Variants in CASK observed in about 807,000 individuals in gnomAD.
The protein encoded by CASK is calcium/calmodulin dependent serine protein kinase.
In CASK, 4 loss-of-function variants were observed where a neutral mutation model predicts 82.9. The ratio of observed to expected loss-of-function variants is 0.05; its 90% confidence interval spans 0.02 to 0.11. The LOEUF (loss-of-function observed/expected upper bound fraction) is 0.11. Ranked by LOEUF, CASK falls within the 10% of genes least tolerant of loss-of-function variation. CASK has a pLI of 1.00. For synonymous variants in CASK, 259 were observed against 253.5 expected, an observed-to-expected ratio of 1.02 and a Z score of -0.20; for missense variants, 358 against 720.9, an observed-to-expected ratio of 0.50 and a Z score of 5.76.
chrX:41,667,198 T>C (rs752697840), intron 6 of CASK, among the ~76,000 whole-genome samples: 41 of 111,942 alleles, frequency 3.7e-4, no homozygotes, highest in Admixed American at 3.2e-3. Context: ...TTCGGGAAGA[T>C]GCCTGTTGTT....
intron 12 of CASK, among the ~76,000 whole-genome samples, chrX:41,600,392 C>T (rs1385714777): frequency 8.9e-6 from 1 of 112,573 alleles, no homozygotes; most frequent in Non-Finnish European, 1.9e-5. Context: ...CATTCTTTAA[C>T]TGAGCATATC....
intron 13 of CASK, among the ~76,000 whole-genome samples, chrX:41,588,887 C>A (rs186411860): frequency 4.5e-5 from 5 of 110,735 alleles, no homozygotes; most frequent in Non-Finnish European, 9.4e-5. Flanking sequence ...TATTATATAA[C>A]GGTAGGTTAA....
chrX:41,531,213 C>T lies in CASK; in HGVS notation c.2318-4G>A. 8.3e-7 allele frequency: 1 copy of T among 1,198,965 alleles called. No homozygotes were observed. The highest frequency in any genetic ancestry group is 1.1e-6 in the Non-Finnish European group (1 of 883,661). On this transcript the variant is annotated splice_region_variant and splice_polypyrimidine_tract_variant and intron_variant, in intron 24 of 26. Transcript: ENST00000378163. ...TTCTTTGGAGGTCTGGTTGTATCTG[C>T]AAAGTCGCATGGCACAAGAGGTTTA...
intron 2 of CASK, among the ~76,000 whole-genome samples, chrX:41,789,665 G>A (rs2069678450): frequency 9.0e-6 from 1 of 111,279 alleles, no homozygotes; most frequent in East Asian, 2.8e-4. Flanking sequence ...CTAATTCTAG[G>A]AAAAGCTTAA....
rs1484804774 is a variant in CASK at position 41,601,480 on chromosome X, C to T, written c.1155+8424G>A. Among the ~76,000 whole-genome samples the T allele has an allele frequency of 2.7e-5, 3 of 111,870 alleles. No individual in the cohort carries two copies. The East Asian group carries it at 8.4e-4, about 31-fold the overall frequency. On this transcript the variant is annotated intron_variant, in intron 12 of 26. Transcript: ENST00000378163. ...CAATTTGGACTTCTTCCATAAGGCA[C>T]AACTACACGCTGGTTAATAAAACAG...
chrX:41,813,315 G>T (rs1299874112), intron 2 of CASK, among the ~76,000 whole-genome samples: 2 of 111,142 alleles, frequency 1.8e-5, no homozygotes, highest in Non-Finnish European at 3.8e-5. Context: ...CAAAGCTGGA[G>T]GCATCACACT....
chrX:41,628,118 A>G (rs2066411194), intron 9 of CASK, among the ~76,000 whole-genome samples: 1 of 112,743 alleles, frequency 8.9e-6, no homozygotes, highest in Admixed American at 9.4e-5. Context: ...AGTGCATATC[A>G]TTACTAACTC....
intron 5 of CASK, among the ~76,000 whole-genome samples, chrX:41,725,112 A>G (rs1281322766): frequency 8.9e-6 from 1 of 111,906 alleles, no homozygotes; most frequent in Non-Finnish European, 1.9e-5. Context: ...CAAACTTACA[A>G]TGAAGCATAT....
chrX:41,888,737 ATATACATATATATGTATATG>A (rs1400475626), intron 1 of CASK, among the ~76,000 whole-genome samples: 17 of 101,773 alleles, frequency 1.7e-4, no homozygotes, highest in African/African-American at 5.7e-4. Context: ...ATATGTATAT[ATATACATATATATGTATATG>A]TATGTGTATA....
At chrX:41,918,997 C>A (rs2072739326) in intron 1 of CASK, among the ~76,000 whole-genome samples, 1 of 112,194 alleles carries the variant, frequency 8.9e-6, no homozygotes, top group African/African-American at 3.2e-5. Context: ...AGAACCACTA[C>A]TTTAAACTAA....
intron 12 of CASK, among the ~76,000 whole-genome samples, chrX:41,595,807 G>T (rs1442519531): frequency 9.0e-6 from 1 of 111,084 alleles, no homozygotes; most frequent in Non-Finnish European, 1.9e-5. Flanking sequence ...CTAGAATTCA[G>T]TAATACACAA....
intron 5 of CASK, chrX:41,728,759 A>C (rs1052342675): frequency 2.4e-5 from 3 of 123,799 alleles, no homozygotes; most frequent in African/African-American, 9.7e-5. Flanking sequence ...AAAACAAAAA[A>C]ATAAAAATAA....
chrX:41,863,000 G>C (rs2071522627), intron 1 of CASK, among the ~76,000 whole-genome samples: 1 of 111,806 alleles, frequency 8.9e-6, no homozygotes, highest in Non-Finnish European at 1.9e-5. Context: ...GATTTATAGA[G>C]GGCATATAGA....
intron 1 of CASK, among the ~76,000 whole-genome samples, chrX:41,857,876 A>AT (rs754650402): frequency 2.1e-4 from 23 of 111,934 alleles, no homozygotes; most frequent in Non-Finnish European, 3.4e-4. Flanking sequence ...GCGAGGAAGG[A>AT]TGACACAATT....
intron 12 of CASK, among the ~76,000 whole-genome samples, chrX:41,592,507 C>T (rs2065760957): frequency 9.0e-6 from 1 of 111,291 alleles, no homozygotes; most frequent in Non-Finnish European, 1.9e-5. Context: ...CTTACTATGT[C>T]ATATACAGTT....
intron 17 of CASK, among the ~76,000 whole-genome samples, chrX:41,560,674 T>A (rs1296795043): frequency 2.8e-5 from 3 of 105,980 alleles, no homozygotes; most frequent in Non-Finnish European, 3.9e-5. Flanking sequence ...GTGGATCACC[T>A]GAGGTCGGGA....
At chrX:41,819,777 C>T (rs1412899262) in intron 2 of CASK, among the ~76,000 whole-genome samples, 2 of 111,709 alleles carry the variant, frequency 1.8e-5, no homozygotes, top group Non-Finnish European at 3.8e-5. Context: ...TGCAAGGTTA[C>T]TTTAGCATTC....
chrX:41,793,899 G>A (rs1039083851), intron 2 of CASK, among the ~76,000 whole-genome samples: 1 of 111,598 alleles, frequency 9.0e-6, no homozygotes, highest in African/African-American at 3.3e-5. Context: ...TCAAGTTGAA[G>A]AATAAAGATC....
intron 9 of CASK, among the ~76,000 whole-genome samples, chrX:41,628,268 A>C (rs2066412777): frequency 8.9e-6 from 1 of 111,925 alleles, no homozygotes; most frequent in African/African-American, 3.2e-5. Context: ...GGAAAGATAA[A>C]ACTTGTTTGT....
Sources: gnomAD v4.1 joint callset for allele counts (sites outside exome capture counted in the v4.1 genomes callset) on GRCh38, gnomAD v4.1.1 for gene constraint, MANE v1.5 for transcripts, NCBI Gene and HGNC (gene_info 2026-07-23, HGNC 2026-07-21) for gene names.